FANCC: variants seen among roughly 807,000 people sequenced by gnomAD.
The protein encoded by FANCC is Fanconi anemia group C protein.
FANCC carries 55 observed loss-of-function variants against 71.3 expected under a neutral mutation model. That is an observed-to-expected ratio of 0.77 (90% CI 0.62 to 0.97). The LOEUF is 0.97. Among genes scored for constraint, FANCC ranks in the 50% least tolerant of loss-of-function variants. The pLI is 0.00. For synonymous variants in FANCC, 275 were observed against 244.9 expected (o/e 1.12, Z -1.15); for missense variants, 678 against 670.9 (o/e 1.01, Z -0.12).
intron 4 of FANCC, among the ~76,000 whole-genome samples, chr9:95,182,751 C>T (rs558790150): frequency 6.6e-6 from 1 of 152,140 alleles, no homozygotes; most frequent in East Asian, 1.9e-4. Context: ...GAGATGAGTT[C>T]CAACTGCTGG....
chr9:95,193,455 C>T (rs1175432577), intron 4 of FANCC, among the ~76,000 whole-genome samples: 1 of 152,044 alleles, frequency 6.6e-6, no homozygotes, highest in East Asian at 1.9e-4. Flanking sequence ...TGGGTGTGAT[C>T]AAAGGGTATT....
At chr9:95,186,136 C>T (rs1222882760) in intron 4 of FANCC, among the ~76,000 whole-genome samples, 2 of 152,178 alleles carry the variant, frequency 1.3e-5, no homozygotes, top group Admixed American at 6.5e-5. Flanking sequence ...GGGTGGGGCC[C>T]TAGAATCTGC....
At chr9:95,287,209 A>C (rs1028372439) in intron 1 of FANCC, among the ~76,000 whole-genome samples, 18 of 152,144 alleles carry the variant, frequency 1.2e-4, no homozygotes, top group Non-Finnish European at 1.3e-4. Context: ...ACTCACCAAG[A>C]AACATACCAT....
In FANCC at chr9:95,111,544, G is replaced by C. The variant is rs747051975; in HGVS notation, c.1248C>G (p.Ala416=). ...MVAEQLLMSA[A]EPPTALLWLL... is the part of the protein sequence containing the mutation. ...GCCACAGCAGGGCCGTGGGGGGTTC[G>C]GCTGCCGACATCAGTAATTGCTCTG... Residue 416 remains alanine (A), a synonymous_variant, in exon 13 of 15, where the codon GCC becomes GCG. Transcript: ENST00000289081. 9 of 1,614,008 alleles carry C rather than the reference G, an allele frequency of 5.6e-6. No individual in the cohort carries two copies. The highest frequency in any genetic ancestry group is 1.3e-5 in the African/African-American group (1 of 74,922).
intron 1 of FANCC, among the ~76,000 whole-genome samples, chr9:95,286,082 T>A (rs780328476): frequency 6.6e-6 from 1 of 152,232 alleles, no homozygotes; most frequent in Non-Finnish European, 1.5e-5. Context: ...TATAAAAAGC[T>A]ATATACAATA....
chr9:95,134,642 T>A, intron 8 of FANCC, among the ~76,000 whole-genome samples: 1 of 152,222 alleles, frequency 6.6e-6, no homozygotes, highest in East Asian at 1.9e-4. Context: ...TCAGGGTGCC[T>A]TGGTCTTTAT....
At chr9:95,278,215 T>C (rs186275702) in intron 1 of FANCC, among the ~76,000 whole-genome samples, 7 of 152,254 alleles carry the variant, frequency 4.6e-5, no homozygotes, top group African/African-American at 1.7e-4. Context: ...GTAATATGTA[T>C]AACAATAATG....
chr9:95,277,595 T>A (rs1239447523), intron 1 of FANCC, among the ~76,000 whole-genome samples: 2 of 152,074 alleles, frequency 1.3e-5, no homozygotes, highest in Non-Finnish European at 2.9e-5. Context: ...ATAAATGCAA[T>A]GAGATCCACA....
At chr9:95,207,506 ATAAAATCC>A (rs1828207196) in intron 4 of FANCC, among the ~76,000 whole-genome samples, 1 of 152,158 alleles carries the variant, frequency 6.6e-6, no homozygotes, top group Non-Finnish European at 1.5e-5. Flanking sequence ...ACCAAAAGCC[ATAAAATCC>A]TAAAACCACA....
chr9:95,180,951 C>T (rs1395479433), intron 4 of FANCC, among the ~76,000 whole-genome samples: 11 of 151,946 alleles, frequency 7.2e-5, no homozygotes. Flanking sequence ...ATCAACATGT[C>T]ATTATAAGGC....
rs369521309 is a variant in FANCC, at chr9:95,252,174, G to A, written c.-78-2805C>T. ...GGAGCCTGTAATCCCAGCTACTTGG[G>A]AGGCAGAGGCAGGAGAATCACTTGC... is the stretch of plus-strand genomic sequence containing the variant. On this transcript the variant is annotated intron_variant, in intron 1 of 14. Coordinates refer to ENST00000289081, the MANE Select transcript of FANCC (RefSeq NM_000136.3). Among the ~76,000 whole-genome samples the A allele has an allele frequency of 3.4e-4, 51 of 149,946 alleles. 2 individuals are homozygous for A. The East Asian group carries it at 7.4e-3, about 22-fold the overall frequency.
chr9:95,141,009 G>A (rs980520516), intron 7 of FANCC, among the ~76,000 whole-genome samples: 5 of 151,848 alleles, frequency 3.3e-5, no homozygotes, highest in African/African-American at 1.2e-4. Context: ...ATCTTATTAA[G>A]GTTAAAAAAA....
chr9:95,191,518 C>A (rs575226085), intron 4 of FANCC, among the ~76,000 whole-genome samples: 9 of 151,958 alleles, frequency 5.9e-5, no homozygotes, highest in South Asian at 2.1e-4. Context: ...AGGGTGACCA[C>A]ACCTTCCAAA....
intron 1 of FANCC, among the ~76,000 whole-genome samples, chr9:95,295,432 G>A (rs1834308871): frequency 6.6e-6 from 1 of 152,114 alleles, no homozygotes; most frequent in Non-Finnish European, 1.5e-5. Context: ...AATGGTCAAA[G>A]GGACCTGAAC....
intron 1 of FANCC, among the ~76,000 whole-genome samples, chr9:95,279,594 A>C (rs1833254306): frequency 6.6e-6 from 1 of 152,158 alleles, no homozygotes; most frequent in Admixed American, 6.5e-5. Flanking sequence ...ATACAGAAAA[A>C]GTAAAAGTTC....
rs115280743 is a variant in FANCC, at chr9:95,241,618, C to T, written c.251-875G>A. Among the ~76,000 whole-genome samples, 551 of 152,300 alleles carry T rather than the reference C, an allele frequency of 3.6e-3. 4 individuals carry two copies. Among genetic ancestry groups the T allele is most frequent in the African/African-American group, 0.012 (493 of 41,566 alleles). On this transcript the variant is annotated intron_variant, in intron 3 of 14. Transcript: ENST00000289081. ...GGCTAAGACAGCCGGTGCCTGGAAT[C>T]AGTACTCTCTGCCACCTCATCTTCT...
At chr9:95,179,790 T>C (rs142418983) in intron 4 of FANCC, among the ~76,000 whole-genome samples, 1 of 152,356 alleles carries the variant, frequency 6.6e-6, no homozygotes, top group African/African-American at 2.4e-5. Flanking sequence ...AGCTGAAGTA[T>C]AGATGAAGCA....
intron 4 of FANCC, among the ~76,000 whole-genome samples, chr9:95,225,031 G>C (rs1321414255): frequency 1.3e-5 from 2 of 152,102 alleles, no homozygotes; most frequent in Non-Finnish European, 2.9e-5. Context: ...GATCTGATAG[G>C]AACAATAGTC....
chr9:95,258,516 A>G (rs1330848812), intron 1 of FANCC, among the ~76,000 whole-genome samples: 1 of 152,156 alleles, frequency 6.6e-6, no homozygotes, highest in East Asian at 1.9e-4. Flanking sequence ...CTCTCAATAA[A>G]CTAGGTATTG....
Sources: gnomAD v4.1 joint callset for allele counts (sites outside exome capture counted in the v4.1 genomes callset) on GRCh38, gnomAD v4.1.1 for gene constraint, MANE v1.5 for transcripts, NCBI Gene and HGNC (gene_info 2026-07-23, HGNC 2026-07-21) for gene names.